Variants in SIPA1L3 observed in about 807,000 individuals in gnomAD.
The protein encoded by SIPA1L3 is signal-induced proliferation-associated 1-like protein 3.
In SIPA1L3, 59 loss-of-function variants were observed where a neutral mutation model predicts 150.1. The ratio of observed to expected loss-of-function variants is 0.39; its 90% confidence interval spans 0.32 to 0.49. SIPA1L3 has a LOEUF of 0.49. SIPA1L3 is among the 20% of genes least tolerant of loss of function. The pLI is 0.86. For missense variants in SIPA1L3, 2,211 were observed against 2,489.5 expected (o/e 0.89, Z 2.38); for synonymous variants, 1,070 against 1,077.6 (o/e 0.99, Z 0.14).
At chr19:38,156,127 G>C (rs767800597) in intron 13 of SIPA1L3, among the ~76,000 whole-genome samples, 4 of 152,116 alleles carry the variant, frequency 2.6e-5, no homozygotes, top group Admixed American at 6.6e-5. Flanking sequence ...CAGGGAAGCA[G>C]GTCGAACTGC....
At chr19:38,179,306 G>T (rs1972509840) in intron 15 of SIPA1L3, among the ~76,000 whole-genome samples, 1 of 152,216 alleles carries the variant, frequency 6.6e-6, no homozygotes, top group African/African-American at 2.4e-5. Flanking sequence ...GCTGGGCGTG[G>T]TGGCATGCAC....
chr19:38,101,768 T>C (rs888197864), intron 6 of SIPA1L3, among the ~76,000 whole-genome samples: 20 of 152,158 alleles, frequency 1.3e-4, no homozygotes, highest in Non-Finnish European at 1.6e-4. Context: ...GAAGAGACGC[T>C]GCTCTGTGAC....
chr19:38,147,084 C>T (rs549113587), intron 12 of SIPA1L3, among the ~76,000 whole-genome samples: 26 of 151,954 alleles, frequency 1.7e-4, no homozygotes, highest in Admixed American at 1.2e-3. Context: ...TATTTTGAGA[C>T]GGAGTCTTGC....
At chr19:37,998,435 G>A (rs1300229357) in intron 1 of SIPA1L3, among the ~76,000 whole-genome samples, 1 of 152,148 alleles carries the variant, frequency 6.6e-6, no homozygotes, top group African/African-American at 2.4e-5. Flanking sequence ...GTTTTTCAGA[G>A]CTGCAAACCG....
rs575844267 is a variant in SIPA1L3, at chr19:37,909,697, A to G, written c.-379+2339A>G. ...CTGGTAAAGATCGGCTGAGTTGTTA[A>G]TTTCTTTCAGAAAAGTTAGATGGTG... On this transcript the variant is annotated intron_variant, in intron 1 of 21. Coordinates refer to ENST00000222345, the MANE Select transcript of SIPA1L3 (RefSeq NM_015073.3). Among the ~76,000 whole-genome samples the G allele has an allele frequency of 2.0e-5, 3 of 152,248 alleles. No individual in the cohort carries two copies. The South Asian group carries it at 6.2e-4, about 32-fold the overall frequency.
intron 16 of SIPA1L3, 89 bp downstream of exon 16, chr19:38,182,829 T>C (rs1473911553): frequency 3.0e-6 from 3 of 996,478 alleles, no homozygotes; most frequent in Non-Finnish European, 4.5e-6. Context: ...CATGCTGTCA[T>C]TGCACAGACG....
chr19:38,031,570 G>A (rs537748924), intron 2 of SIPA1L3, among the ~76,000 whole-genome samples: 2 of 152,196 alleles, frequency 1.3e-5, no homozygotes, highest in East Asian at 3.9e-4. Flanking sequence ...CAGGCAGCAT[G>A]CCCTTCTCAG....
chr19:37,996,119 G>A (rs1199989331), intron 1 of SIPA1L3, among the ~76,000 whole-genome samples: 1 of 152,022 alleles, frequency 6.6e-6, no homozygotes. Flanking sequence ...GTAGAGATGG[G>A]GTCTCACTAC....
At chr19:37,931,994 C>A (rs954480907) in intron 1 of SIPA1L3, among the ~76,000 whole-genome samples, 1 of 152,214 alleles carries the variant, frequency 6.6e-6, no homozygotes, top group Non-Finnish European at 1.5e-5. Context: ...GTGCAGTGAG[C>A]ATTCCGGTTG....
In SIPA1L3 at chr19:38,119,320, G is replaced by A; in HGVS notation, c.2306G>A (p.Arg769Gln). Residue 769 changes from arginine to glutamine, a missense_variant, in exon 9 of 22, where the codon CGA (arginine) becomes CAA (glutamine). Transcript: ENST00000222345. The stretch of plus-strand genomic sequence containing the variant: ...TCCCTCCACAGTATGGCTGTGACCC[G>A]ATCCAAAGACGCTCCTCCTTTCGGC... ...DNVCYSMAVT[R>Q]SKDAPPFGPP... 4 of 1,613,720 alleles carry A rather than the reference G, an allele frequency of 2.5e-6. No homozygotes were observed. The highest frequency in any genetic ancestry group is 3.4e-6 in the Non-Finnish European group (4 of 1,179,840).
chr19:37,908,788 A>G (rs1263367315), intron 1 of SIPA1L3, among the ~76,000 whole-genome samples: 2 of 152,168 alleles, frequency 1.3e-5, no homozygotes, highest in Non-Finnish European at 2.9e-5. Flanking sequence ...CTGACCTGCC[A>G]TCAGCAGTCC....
At chr19:38,111,572 G>A (rs1015668245) in intron 8 of SIPA1L3, among the ~76,000 whole-genome samples, 4 of 152,198 alleles carry the variant, frequency 2.6e-5, no homozygotes, top group African/African-American at 4.8e-5. Flanking sequence ...AGTAGTCACC[G>A]CGAAATTACC....
chr19:38,082,864 G>A lies in SIPA1L3; in HGVS notation c.1299G>A (p.Glu433=). 6.2e-7 allele frequency: 1 copy of A among 1,613,640 alleles called. No individual in the cohort carries two copies. The highest frequency in any genetic ancestry group is 1.3e-5 in the African/African-American group (1 of 75,060). Residue 433 remains glutamate, a synonymous_variant, in exon 3 of 22, where the codon GAG becomes GAA. Transcript: ENST00000222345. ...TCAGCTGCCCGCACTTCCGCAATGA[G>A]ATCGGGGGCGAGTGTGAGCGCAACG... The part of the protein sequence containing the change: ...LLLSCPHFRN[E]IGGECERNVS...
At chr19:37,910,177 G>A (rs1286972119) in intron 1 of SIPA1L3, among the ~76,000 whole-genome samples, 2 of 152,110 alleles carry the variant, frequency 1.3e-5, no homozygotes, top group Non-Finnish European at 2.9e-5. Flanking sequence ...CATAGTCTTA[G>A]TAACTTGTAA....
intron 1 of SIPA1L3, among the ~76,000 whole-genome samples, chr19:37,996,944 G>A (rs923658671): frequency 3.3e-5 from 5 of 151,840 alleles, no homozygotes; most frequent in Admixed American, 6.6e-5. Flanking sequence ...TGATCCACCC[G>A]TCTCAGCCTC....
At chr19:38,130,822 G>C in intron 10 of SIPA1L3, 50 bp downstream of exon 10, 1 of 1,553,578 alleles carries the variant, frequency 6.4e-7, no homozygotes, top group Non-Finnish European at 8.7e-7. Flanking sequence ...CTCCCAGATC[G>C]CTGGCATGAG....
intron 1 of SIPA1L3, among the ~76,000 whole-genome samples, chr19:38,025,493 G>C (rs541229720): frequency 6.6e-6 from 1 of 152,176 alleles, no homozygotes; most frequent in African/African-American, 2.4e-5. Context: ...CTGCATGAGG[G>C]ACTGCAGGGC....
chr19:37,920,938 A>G (rs1302123975), intron 1 of SIPA1L3, among the ~76,000 whole-genome samples: 1 of 152,034 alleles, frequency 6.6e-6, no homozygotes, highest in Non-Finnish European at 1.5e-5. Flanking sequence ...CCCCTCCCAC[A>G]TTTTTTCCAA....
At chr19:38,105,129 AGGTGG>A (rs1970594431) in intron 6 of SIPA1L3, among the ~76,000 whole-genome samples, 2 of 151,828 alleles carry the variant, frequency 1.3e-5, no homozygotes, top group Admixed American at 1.3e-4. Context: ...AGGCTGAGGC[AGGTGG>A]ATCACCTGAG....
Sources: gnomAD v4.1 joint callset for allele counts (sites outside exome capture counted in the v4.1 genomes callset) on GRCh38, gnomAD v4.1.1 for gene constraint, MANE v1.5 for transcripts, NCBI Gene and HGNC (gene_info 2026-07-23, HGNC 2026-07-21) for gene names.